UNC13A: variants seen among roughly 807,000 people sequenced by gnomAD.
The protein encoded by UNC13A is protein unc-13 homolog A.
Under a neutral mutation model 219.7 loss-of-function variants are expected in UNC13A, and 61 were observed. The observed-to-expected ratio is 0.28, with a 90% confidence interval of 0.23 to 0.34. The LOEUF (loss-of-function observed/expected upper bound fraction) is 0.34. Ranked by LOEUF, UNC13A falls within the 10% of genes least tolerant of loss-of-function variation. The pLI, the probability that UNC13A is intolerant of heterozygous loss-of-function variation, is 1.00. For synonymous variants in UNC13A, 920 were observed against 884.6 expected (o/e 1.04, Z -0.71); for missense variants, 1,476 against 2,270.3 (o/e 0.65, Z 7.11).
chr19:17,657,594 T>C (rs1234001381), intron 9 of UNC13A, among the ~76,000 whole-genome samples: 1 of 152,026 alleles, frequency 6.6e-6, no homozygotes, highest in Non-Finnish European at 1.5e-5. Flanking sequence ...AGATACCTCC[T>C]CCAATCTTAG....
At chr19:17,622,867 G>A (rs542610741) in intron 36 of UNC13A, 1 of 152,286 alleles carries the variant, frequency 6.6e-6, no homozygotes, top group African/African-American at 2.4e-5. Context: ...AGGAAACAGA[G>A]GCTGGGAGGT....
rs183819376 is a variant in UNC13A at position 17,653,972 on chromosome 19, G to A, written c.1393-1295C>T. On this transcript the variant is annotated intron_variant, in intron 11 of 43. Transcript: ENST00000519716. ...CTCCCGAGTAGCTGGGACTACAGGC[G>A]CCTGCAACCACAGCCGGCTAATTTT... Among the ~76,000 whole-genome samples, 7 of 151,888 alleles carry A rather than the reference G, an allele frequency of 4.6e-5. No homozygotes were observed. In the South Asian group the frequency reaches 8.3e-4, roughly 18 times the overall value.
At chr19:17,639,250 A>G (rs1318473683) in intron 24 of UNC13A, 33 bp from the exon 25 acceptor site, 3 of 1,612,524 alleles carry the variant, frequency 1.9e-6, no homozygotes, top group Non-Finnish European at 1.7e-6. Context: ...AGGCGGCCAC[A>G]GCTGTGACAG....
intron 26 of UNC13A, among the ~76,000 whole-genome samples, chr19:17,633,455 T>C (rs2076878386): frequency 6.6e-6 from 1 of 151,986 alleles, no homozygotes; most frequent in South Asian, 2.1e-4. Context: ...CTCATTTATC[T>C]ATTCCTCCAT....
chr19:17,639,919 A>G lies in UNC13A; in HGVS notation c.2788-11T>C, dbSNP rs2145037922. Reference sequence around the variant, plus strand: ...CACGAAGCGCTCTTTCTGAGGAGGAAGGGGAGGAGGGAGGATGGATGGAGG... The same window carrying G: ...CACGAAGCGCTCTTTCTGAGGAGGAGGGGGAGGAGGGAGGATGGATGGAGG... On this transcript the variant is annotated splice_polypyrimidine_tract_variant and intron_variant, in intron 22 of 43. Transcript: ENST00000519716. 6.2e-7 allele frequency: 1 copy of G among 1,613,472 alleles called. No individual in the cohort carries two copies.
intron 41 of UNC13A, chr19:17,616,356 G>GCAGGCAC: frequency 1.5e-6 from 1 of 683,500 alleles, no homozygotes; most frequent in Non-Finnish European, 2.7e-6. Flanking sequence ...CAGGAGGGGC[G>GCAGGCAC]CAGGCACCGG....
intron 11 of UNC13A, among the ~76,000 whole-genome samples, chr19:17,653,115 G>A (rs1050556093): frequency 6.6e-6 from 1 of 152,028 alleles, no homozygotes; most frequent in African/African-American, 2.4e-5. Context: ...TAACTAAAGG[G>A]TTAACATGGG....
intron 8 of UNC13A, among the ~76,000 whole-genome samples, chr19:17,661,046 C>T (rs567645265): frequency 9.2e-5 from 14 of 152,054 alleles, no homozygotes; most frequent in African/African-American, 1.4e-4. Context: ...TCAAACAACC[C>T]TCCCACCTCA....
chr19:17,663,581 G>A lies in UNC13A; in HGVS notation c.524-14C>T. 1 of 1,607,080 alleles carries A rather than the reference G, an allele frequency of 6.2e-7. No homozygotes were observed. The highest frequency in any genetic ancestry group is 1.3e-5 in the African/African-American group (1 of 74,912). ...AATTCCAGTTGCCTACAAAGAGAAG[G>A]GGCAGAAATAATAAAAGGGAGCAGA... On this transcript the variant is annotated splice_polypyrimidine_tract_variant and intron_variant, in intron 7 of 43. Coordinates refer to ENST00000519716, the MANE Select transcript of UNC13A (RefSeq NM_001080421.3).
intron 15 of UNC13A, 120 bp downstream of exon 15, chr19:17,648,792 G>A: frequency 6.8e-7 from 1 of 1,481,116 alleles, no homozygotes; most frequent in Non-Finnish European, 9.2e-7. Flanking sequence ...GCTGCCTTCT[G>A]CCAGTCTGTG....
intron 36 of UNC13A, among the ~76,000 whole-genome samples, chr19:17,622,093 G>A (rs1046801206): frequency 6.6e-6 from 1 of 151,504 alleles, no homozygotes; most frequent in Admixed American, 6.6e-5. Context: ...GGCAGAGACA[G>A]GAAAGAGAGA....
In UNC13A at chr19:17,649,307, G is replaced by T. The variant is rs1441672903; in HGVS notation, c.1524+32C>A. ...TCCCAGTGGGGGAGTTTGGGGAGAA[G>T]ATCCCAAGAGGCCCATGTCGCCATC... is the stretch of plus-strand genomic sequence containing the variant. On this transcript the variant is annotated intron_variant, in intron 14 of 43. Coordinates refer to ENST00000519716, the MANE Select transcript of UNC13A (RefSeq NM_001080421.3). This position sits in a 1 kb window ranked among gnomAD's most constrained non-coding sequence, Gnocchi z 4.4. The T allele has an allele frequency of 1.3e-6, 2 of 1,564,916 alleles. No homozygotes were observed. The highest frequency in any genetic ancestry group is 2.3e-5 in the South Asian group (2 of 86,374).
intron 17 of UNC13A, among the ~76,000 whole-genome samples, 192 bp from the exon 18 acceptor site, chr19:17,646,303 G>C (rs1156787968): frequency 1.3e-5 from 2 of 148,592 alleles, no homozygotes; most frequent in Non-Finnish European, 3.0e-5. Flanking sequence ...TTTTGAGACA[G>C]AGTTTTGCTC....
At chr19:17,647,635 C>T in intron 16 of UNC13A, 143 bp from the exon 17 acceptor site, 1 of 742,100 alleles carries the variant, frequency 1.3e-6, no homozygotes, top group Non-Finnish European at 2.2e-6. Context: ...CTTTCTGTAC[C>T]CCCCACCCAG....
At position 17,675,402 on chromosome 19, in the gene UNC13A, C is replaced by T. The variant is rs149325659; in HGVS notation, c.52+610G>A. Among the ~76,000 whole-genome samples, 797 of 151,610 alleles carry T rather than the reference C, an allele frequency of 5.3e-3. 8 individuals carry two copies. The highest frequency in any genetic ancestry group is 0.018 in the African/African-American group (749 of 41,400). ...ATCCTAGCACTTTGGGAGGCCGAGG[C>T]GGGCGGATCATTTAAGGTCAGAAGT... On this transcript the variant is annotated intron_variant, in intron 2 of 43. Transcript: ENST00000519716.
In UNC13A at chr19:17,636,004, TAC is replaced by T; in HGVS notation, c.3215+18_3215+19del. The T allele has an allele frequency of 6.3e-7, 1 of 1,599,428 alleles. No individual in the cohort carries two copies. Among genetic ancestry groups the T allele is most frequent in the Non-Finnish European group, 8.6e-7 (1 of 1,168,564 alleles). Reference sequence around the variant, plus strand: ...ACACGATGACACCCAGATAATTAACTACACAGATACACAACTCACTGGTTGAG... The same window carrying T: ...ACACGATGACACCCAGATAATTAACTACAGATACACAACTCACTGGTTGAG... On this transcript the variant is annotated intron_variant, in intron 26 of 43. Transcript: ENST00000519716.
intron 43 of UNC13A, among the ~76,000 whole-genome samples, chr19:17,609,330 C>T (rs181949664): frequency 1.1e-4 from 17 of 152,036 alleles, no homozygotes; most frequent in Admixed American, 7.2e-4. Flanking sequence ...TCCTGATACC[C>T]GCAGCCTAGG....
At chr19:17,668,516 T>G (rs1599402303) in intron 5 of UNC13A, among the ~76,000 whole-genome samples, 4 of 152,228 alleles carry the variant, frequency 2.6e-5, no homozygotes, top group African/African-American at 4.8e-5. Context: ...AGACGGAGTC[T>G]CACTCTGTTG....
chr19:17,638,764 G>T (rs1264909314), intron 25 of UNC13A, among the ~76,000 whole-genome samples: 3 of 152,048 alleles, frequency 2.0e-5, no homozygotes, highest in Admixed American at 1.3e-4. Context: ...GGGAGGCAGA[G>T]GTTGCAGTGA....
Sources: allele counts gnomAD v4.1 joint callset (sites outside exome capture counted in the v4.1 genomes callset), GRCh38; gene constraint gnomAD v4.1.1; non-coding constraint Gnocchi (gnomAD v3.1); transcripts MANE v1.5; gene names NCBI Gene and HGNC (gene_info 2026-07-23, HGNC 2026-07-21).